SLC14A2: variants seen among roughly 807,000 people sequenced by gnomAD.
SLC14A2 encodes urea transporter 2.
Under a neutral mutation model 104.6 loss-of-function variants are expected in SLC14A2, and 91 were observed. The observed-to-expected ratio is 0.87, with a 90% CI of 0.73 to 1.04. The LOEUF (loss-of-function observed/expected upper bound fraction) is 1.04. Ranked by LOEUF, SLC14A2 falls within the 50% of genes least tolerant of loss-of-function variation. SLC14A2 has a pLI of 0.00. For synonymous variants in SLC14A2, 476 were observed against 466.4 expected (o/e 1.02, Z -0.27); for missense variants, 1,189 against 1,156.0 (o/e 1.03, Z -0.41).
chr18:45,430,478 T>C (rs887326667), intron 1 of SLC14A2, among the ~76,000 whole-genome samples: 4 of 152,192 alleles, frequency 2.6e-5, no homozygotes, highest in Non-Finnish European at 5.9e-5. Context: ...ACTAAAGATT[T>C]CAGAAAAGGG....
chr18:45,451,162 T>C (rs1330601603), intron 1 of SLC14A2, among the ~76,000 whole-genome samples: 2 of 152,278 alleles, frequency 1.3e-5, no homozygotes, highest in East Asian at 3.9e-4. Context: ...TATTGGCAGC[T>C]GTAAGTTAGT....
chr18:45,648,457 G>A (rs1335927871), intron 10 of SLC14A2, among the ~76,000 whole-genome samples: 5 of 151,840 alleles, frequency 3.3e-5, no homozygotes, highest in Admixed American at 6.6e-5. Context: ...CGCCCACCTC[G>A]GCCTCCCAAG....
chr18:45,494,218 T>C (rs1320070446), intron 2 of SLC14A2, among the ~76,000 whole-genome samples: 1 of 152,210 alleles, frequency 6.6e-6, no homozygotes, highest in Non-Finnish European at 1.5e-5. Context: ...GACAGTTGAA[T>C]TCTACAGGAG....
intron 1 of SLC14A2, among the ~76,000 whole-genome samples, chr18:45,371,077 C>T (rs756430844): frequency 1.3e-5 from 2 of 152,268 alleles, no homozygotes; most frequent in Admixed American, 6.5e-5. Context: ...GCAACACCCC[C>T]AAAGGTGAAG....
At chr18:45,544,223 T>C (rs2043932731) in intron 2 of SLC14A2, among the ~76,000 whole-genome samples, 1 of 152,250 alleles carries the variant, frequency 6.6e-6, no homozygotes, top group African/African-American at 2.4e-5. Flanking sequence ...TCAGATGGTC[T>C]TGGGTACCCC....
chr18:45,295,901 A>G (rs540936523), intron 1 of SLC14A2, among the ~76,000 whole-genome samples: 2 of 152,324 alleles, frequency 1.3e-5, no homozygotes, highest in South Asian at 2.1e-4. Flanking sequence ...GGGAATGATA[A>G]CTAATACTGA....
At chr18:45,619,013 C>A (rs778490449) in intron 1 of SLC14A2, among the ~76,000 whole-genome samples, 4 of 152,182 alleles carry the variant, frequency 2.6e-5, no homozygotes, top group East Asian at 3.8e-4. Context: ...GTTTTTCTAA[C>A]CATTGGAAGA....
At chr18:45,401,061 T>C (rs138312298) in intron 1 of SLC14A2, among the ~76,000 whole-genome samples, 1 of 152,200 alleles carries the variant, frequency 6.6e-6, no homozygotes, top group African/African-American at 2.4e-5. Context: ...ATCTGGGTGA[T>C]AGGTGTACTC....
At chr18:45,328,012 A>G (rs2085253073) in intron 1 of SLC14A2, among the ~76,000 whole-genome samples, 1 of 152,184 alleles carries the variant, frequency 6.6e-6, no homozygotes, top group African/African-American at 2.4e-5. Flanking sequence ...TTGGAAATAT[A>G]CTGTCTAGAC....
chr18:45,179,488 C>T, the SLC14A2 span, among the ~76,000 whole-genome samples: 3 of 150,686 alleles, frequency 2.0e-5, no homozygotes, highest in Admixed American at 1.3e-4. Context: ...AAACAAAACA[C>T]AGGGTTCTTC....
At chr18:45,235,614 T>C (rs1247093300) in intron 1 of SLC14A2, among the ~76,000 whole-genome samples, 1 of 151,860 alleles carries the variant, frequency 6.6e-6, no homozygotes, top group Non-Finnish European at 1.5e-5. Flanking sequence ...ACTATTCTAC[T>C]CTCTACTTTC....
At chr18:45,628,541 T>C (rs2045298452) in intron 4 of SLC14A2, among the ~76,000 whole-genome samples, 1 of 151,990 alleles carries the variant, frequency 6.6e-6, no homozygotes, top group Admixed American at 6.6e-5. Context: ...TGAGAGTGGG[T>C]ACTTTTAACA....
intron 1 of SLC14A2, among the ~76,000 whole-genome samples, chr18:45,356,534 C>T (rs570703166): frequency 3.0e-4 from 45 of 152,216 alleles, no homozygotes; most frequent in Non-Finnish European, 5.3e-4. Flanking sequence ...ATACGGGAAA[C>T]GATGTGGGAA....
At chr18:45,263,458 A>G (rs1467222939) in intron 1 of SLC14A2, among the ~76,000 whole-genome samples, 4 of 152,150 alleles carry the variant, frequency 2.6e-5, no homozygotes, top group Admixed American at 2.6e-4. Context: ...AAATTTATAG[A>G]TATCTTAGAG....
At chr18:45,600,838 A>G (rs2044779614) in intron 2 of SLC14A2, among the ~76,000 whole-genome samples, 2 of 152,236 alleles carry the variant, frequency 1.3e-5, no homozygotes, top group Admixed American at 6.5e-5. Flanking sequence ...TATTTGAATT[A>G]TTGTGAATTT....
At chr18:45,677,887 T>C (rs2046252773) in intron 18 of SLC14A2, among the ~76,000 whole-genome samples, 1 of 152,250 alleles carries the variant, frequency 6.6e-6, no homozygotes, top group African/African-American at 2.4e-5. Context: ...AGCATGATCA[T>C]AGTTCATTGC....
Position 45,625,721 on chromosome 18 carries a change from G to A in SLC14A2, c.189G>A (p.Lys63=). 6.4e-7 allele frequency: 1 copy of A among 1,563,754 alleles called. No individual in the cohort carries two copies. Among genetic ancestry groups the A allele is most frequent in the Non-Finnish European group, 8.6e-7 (1 of 1,160,238 alleles). Residue 63 remains lysine (K), a synonymous_variant, in exon 3 of 20, where the codon AAG becomes AAA. Coordinates refer to ENST00000255226, the MANE Select transcript of SLC14A2 (RefSeq NM_007163.4). ...RSSNEDSHIV[K]IEKLNERSKR... ...CCAATGAAGACAGTCACATTGTGAA[G>A]ATCGAAAAGCTCAATGAAAGGAGTA...
rs138054169 is a variant in SLC14A2, at chr18:45,541,907, G to T, written c.-35+58585G>T. Among the ~76,000 whole-genome samples, 272 of 152,230 alleles carry T rather than the reference G, an allele frequency of 1.8e-3. 1 individual carries two copies. Among genetic ancestry groups the T allele is most frequent in the African/African-American group, 6.2e-3 (257 of 41,548 alleles). On this transcript the variant is annotated intron_variant, in intron 2 of 20. Transcript: ENST00000586448. Reference sequence around the variant, plus strand: ...ACAAAACAGGGTCTTGCACAAAATAGGTACTTGTGTGGTGAAGGAATTAGT... The same window carrying T: ...ACAAAACAGGGTCTTGCACAAAATATGTACTTGTGTGGTGAAGGAATTAGT...
At chr18:45,382,149 C>T (rs2085845377) in intron 1 of SLC14A2, among the ~76,000 whole-genome samples, 1 of 152,190 alleles carries the variant, frequency 6.6e-6, no homozygotes, top group Admixed American at 6.5e-5. Context: ...TGGTTGGCCA[C>T]TCCCAGATTC....
Sources: allele counts gnomAD v4.1 joint callset (sites outside exome capture counted in the v4.1 genomes callset), GRCh38; gene constraint gnomAD v4.1.1; transcripts MANE v1.5; gene names NCBI Gene and HGNC (gene_info 2026-07-23, HGNC 2026-07-21).